SLC24A3: variants seen among roughly 807,000 people sequenced by gnomAD.
SLC24A3 encodes the protein sodium/potassium/calcium exchanger 3.
Under a neutral mutation model 75.8 loss-of-function variants are expected in SLC24A3, and 28 were observed. That is an observed-to-expected ratio of 0.37 (90% confidence interval 0.27 to 0.51). The LOEUF is 0.51. Ranked by LOEUF, SLC24A3 falls within the 20% of genes least tolerant of loss-of-function variation. The pLI, the probability that SLC24A3 is intolerant of heterozygous loss-of-function variation, is 0.94. For synonymous variants in SLC24A3, 372 were observed against 334.1 expected (o/e 1.11, Z -1.24); for missense variants, 663 against 847.8 (o/e 0.78, Z 2.71).
intron 2 of SLC24A3, among the ~76,000 whole-genome samples, chr20:19,452,610 T>C (rs779210515): frequency 6.3e-4 from 96 of 152,024 alleles, no homozygotes; most frequent in Non-Finnish European, 9.1e-4. Flanking sequence ...CCACCCTTCA[T>C]AGAGCATCAT....
At chr20:19,531,823 C>T (rs1011401724) in intron 3 of SLC24A3, among the ~76,000 whole-genome samples, 23 of 152,156 alleles carry the variant, frequency 1.5e-4, no homozygotes, top group African/African-American at 5.1e-4. Flanking sequence ...CAAGCCCCCG[C>T]GTGGAGATCA....
chr20:19,510,443 A>G (rs542664346), intron 2 of SLC24A3, among the ~76,000 whole-genome samples: 1 of 152,326 alleles, frequency 6.6e-6, no homozygotes, highest in African/African-American at 2.4e-5. Flanking sequence ...CCTTTCCTGC[A>G]ATAAGATACC....
intron 2 of SLC24A3, chr20:19,355,035 A>G (rs6046013): frequency 0.54 from 82,257 of 152,014 alleles, 24,056 homozygotes; most frequent in African/African-American, 0.77. Flanking sequence ...CTTCCTGACA[A>G]AAGCAATTGT....
intron 3 of SLC24A3, among the ~76,000 whole-genome samples, chr20:19,520,236 G>T (rs182402327): frequency 6.6e-6 from 1 of 152,316 alleles, no homozygotes; most frequent in East Asian, 1.9e-4. Flanking sequence ...ATATCAAGGA[G>T]AATATTTTCA....
intron 1 of SLC24A3, among the ~76,000 whole-genome samples, chr20:19,233,749 A>G (rs1207775635): frequency 3.3e-5 from 5 of 152,242 alleles, no homozygotes; most frequent in African/African-American, 9.6e-5. Flanking sequence ...GGTAGGAGAC[A>G]TGGCTCACAA....
intron 6 of SLC24A3, among the ~76,000 whole-genome samples, chr20:19,623,874 G>C (rs960031351): frequency 3.9e-5 from 6 of 152,172 alleles, no homozygotes; most frequent in African/African-American, 1.4e-4. Context: ...GGTGGACTAA[G>C]CTACATACCA....
chr20:19,438,055 A>G (rs1423249653), intron 2 of SLC24A3, among the ~76,000 whole-genome samples: 1 of 152,164 alleles, frequency 6.6e-6, no homozygotes, highest in Non-Finnish European at 1.5e-5. Flanking sequence ...TAGTGCCCAA[A>G]CACTCTCACT....
At chr20:19,574,177 GA>G (rs1471560500) in intron 3 of SLC24A3, among the ~76,000 whole-genome samples, 2 of 152,210 alleles carry the variant, frequency 1.3e-5, no homozygotes. Context: ...GGTGGCCTCT[GA>G]ATAGTGCATG....
At position 19,510,064 on chromosome 20, in the gene SLC24A3, G is replaced by A. The variant is rs551391222; in HGVS notation, c.272-5424G>A. 2.6e-5 allele frequency among the ~76,000 whole-genome samples: 4 copies of A among 152,340 alleles called. No homozygotes were observed. In the South Asian group the frequency reaches 6.2e-4, roughly 24 times the overall value. ...AGTAGGCTGTGTATATAGCACGCACGTAGGAGCTGACAAAGATCAATGACA... is the reference window on the plus strand; with the variant it reads ...AGTAGGCTGTGTATATAGCACGCACATAGGAGCTGACAAAGATCAATGACA... On this transcript the variant is annotated intron_variant, in intron 2 of 16. Transcript: ENST00000328041.
chr20:19,221,528 A>G (rs1018032854), intron 1 of SLC24A3, among the ~76,000 whole-genome samples: 4 of 152,200 alleles, frequency 2.6e-5, no homozygotes, highest in Non-Finnish European at 1.5e-5. Context: ...GGGAGTGTGG[A>G]AAGTAAAGAT....
intron 2 of SLC24A3, among the ~76,000 whole-genome samples, chr20:19,428,533 A>G (rs1248751560): frequency 1.3e-5 from 2 of 152,242 alleles, no homozygotes; most frequent in African/African-American, 4.8e-5. Flanking sequence ...TGCAACAGAC[A>G]TTATTTTCCC....
chr20:19,559,895 T>C (rs1335733198), intron 3 of SLC24A3, among the ~76,000 whole-genome samples: 1 of 152,128 alleles, frequency 6.6e-6, no homozygotes, highest in East Asian at 1.9e-4. Context: ...TCATAAATAT[T>C]TAACAACTGG....
At chr20:19,622,538 C>T (rs1461552220) in intron 6 of SLC24A3, among the ~76,000 whole-genome samples, 2 of 152,208 alleles carry the variant, frequency 1.3e-5, no homozygotes, top group African/African-American at 4.8e-5. Context: ...CATTTTCACT[C>T]TCATTCTTGG....
At chr20:19,238,124 AAC>A (rs949235050) in intron 1 of SLC24A3, among the ~76,000 whole-genome samples, 1 of 152,174 alleles carries the variant, frequency 6.6e-6, no homozygotes, top group African/African-American at 2.4e-5. Context: ...CAAATTAAGA[AAC>A]AGAGCAGGAT....
rs145477597 is a variant in SLC24A3 at position 19,652,468 on chromosome 20, T to A, written c.613-1594T>A. Reference sequence around the variant, plus strand: ...GAGTGATGACCACAGATTCTAAGAGTTTACAGTACTGAGAGAGAATGAAAA... The same window carrying A: ...GAGTGATGACCACAGATTCTAAGAGATTACAGTACTGAGAGAGAATGAAAA... On this transcript the variant is annotated intron_variant, in intron 6 of 16. Transcript: ENST00000328041. 5.1e-3 allele frequency among the ~76,000 whole-genome samples: 781 copies of A among 152,260 alleles called. 6 individuals carry two copies. The highest frequency in any genetic ancestry group is 0.016 in the African/African-American group (681 of 41,564).
chr20:19,373,197 G>C (rs988112834), intron 2 of SLC24A3, among the ~76,000 whole-genome samples: 8 of 152,040 alleles, frequency 5.3e-5, no homozygotes, highest in Admixed American at 3.3e-4. Context: ...TTTGTTTGTT[G>C]CTGGTGTTTA....
At chr20:19,714,907 G>A (rs538542196) in intron 15 of SLC24A3, among the ~76,000 whole-genome samples, 104 of 152,344 alleles carry the variant, frequency 6.8e-4, no homozygotes, top group Non-Finnish European at 1.3e-3. Flanking sequence ...GGTTTCTTAA[G>A]GGCATGAAAT....
chr20:19,304,308 C>T (rs1185568938), intron 2 of SLC24A3, among the ~76,000 whole-genome samples: 1 of 152,132 alleles, frequency 6.6e-6, no homozygotes, highest in African/African-American at 2.4e-5. Context: ...CTGTTCCTTG[C>T]TATTGAGAGG....
intron 1 of SLC24A3, among the ~76,000 whole-genome samples, chr20:19,247,768 T>C (rs1982538671): frequency 6.6e-6 from 1 of 152,252 alleles, no homozygotes; most frequent in South Asian, 2.1e-4. Context: ...TTACTACACT[T>C]AATTTCTTTT....
Sources: gnomAD v4.1 joint callset for allele counts (sites outside exome capture counted in the v4.1 genomes callset) on GRCh38, gnomAD v4.1.1 for gene constraint, MANE v1.5 for transcripts, NCBI Gene and HGNC (gene_info 2026-07-23, HGNC 2026-07-21) for gene names.